The following UBQLN1 variants were observed in gnomAD, a reference collection of about 807,000 sequenced individuals.
UBQLN1 encodes ubiquilin-1.
A neutral mutation model predicts 65.4 loss-of-function variants in UBQLN1; 13 were observed. That is an observed-to-expected ratio of 0.20 (90% CI 0.13 to 0.32). The LOEUF (loss-of-function observed/expected upper bound fraction) is 0.32, where lower values mean the gene tolerates loss of function less well. UBQLN1 is among the 10% of genes least tolerant of loss of function. The probability of loss-of-function intolerance (pLI) is 1.00; values close to 1 mark genes in which losing one functional copy is unlikely to be tolerated. For synonymous variants in UBQLN1, 267 were observed against 247.8 expected, an observed-to-expected ratio of 1.08 and a Z score of -0.73; for missense variants, 561 against 724.0, an observed-to-expected ratio of 0.77 and a Z score of 2.58.
intron 7 of UBQLN1, chr9:83,668,817 T>C: frequency 4.4e-6 from 1 of 229,858 alleles, no homozygotes; most frequent in Non-Finnish European, 7.3e-6. Context: ...TAAATAAAAG[T>C]ATTTCAAATG....
At chr9:83,692,150 T>C (rs1383752682) in intron 1 of UBQLN1, among the ~76,000 whole-genome samples, 2 of 152,236 alleles carry the variant, frequency 1.3e-5, no homozygotes, top group Non-Finnish European at 2.9e-5. Context: ...TTAAGTTTAA[T>C]TGTACCGTGC....
intron 3 of UBQLN1, among the ~76,000 whole-genome samples, chr9:83,680,796 G>C (rs1335146371): frequency 2.0e-5 from 3 of 152,164 alleles, no homozygotes; most frequent in Non-Finnish European, 4.4e-5. Context: ...GGAGGTCAGG[G>C]GAACCCCCAA....
chr9:83,695,590 T>C (rs1230501555), intron 1 of UBQLN1, among the ~76,000 whole-genome samples: 2 of 149,640 alleles, frequency 1.3e-5, no homozygotes, highest in African/African-American at 2.5e-5. Flanking sequence ...GTTATATCCT[T>C]TAAGAAAACT....
intron 3 of UBQLN1, among the ~76,000 whole-genome samples, chr9:83,682,289 AAT>A (rs71365321): frequency 8.0e-5 from 12 of 149,942 alleles, no homozygotes; most frequent in East Asian, 1.9e-4. Flanking sequence ...TGTCTCAAAA[AAT>A]ATATATATAT....
intron 1 of UBQLN1, among the ~76,000 whole-genome samples, chr9:83,693,674 A>G (rs1832163923): frequency 6.6e-6 from 1 of 152,210 alleles, no homozygotes; most frequent in Non-Finnish European, 1.5e-5. Context: ...TATGGTGCCA[A>G]TCTCAGCTGC....
At chr9:83,667,333 T>C (rs1207033336) in intron 7 of UBQLN1, 1 of 197,390 alleles carries the variant, frequency 5.1e-6, no homozygotes, top group Admixed American at 6.5e-5. Context: ...TAACAAGGAT[T>C]TACTGATAGC....
At chr9:83,699,239 C>T (rs1311440030) in intron 1 of UBQLN1, among the ~76,000 whole-genome samples, 2 of 152,206 alleles carry the variant, frequency 1.3e-5, no homozygotes, top group African/African-American at 2.4e-5. Context: ...AAATGGTTAA[C>T]ATGATAAATT....
chr9:83,683,359 C>T (rs1314329446), intron 2 of UBQLN1, among the ~76,000 whole-genome samples: 6 of 139,634 alleles, frequency 4.3e-5, no homozygotes, highest in East Asian at 2.3e-4. Context: ...TTGCAGTGAG[C>T]GAGATCGCGC....
chr9:83,706,485 T>C (rs1832409191), intron 1 of UBQLN1, among the ~76,000 whole-genome samples: 1 of 152,222 alleles, frequency 6.6e-6, no homozygotes, highest in Non-Finnish European at 1.5e-5. Flanking sequence ...TTGGAACTCG[T>C]TAAACCAATA....
chr9:83,666,532 T>G, intron 7 of UBQLN1, 99 bp from the exon 8 acceptor site: 3 of 1,113,842 alleles, frequency 2.7e-6, no homozygotes, highest in Non-Finnish European at 4.0e-6. Context: ...CAGCTGGCAC[T>G]TAAAAGGGAG....
chr9:83,670,444 G>A (rs1450607498), intron 6 of UBQLN1, among the ~76,000 whole-genome samples: 1 of 151,608 alleles, frequency 6.6e-6, no homozygotes, highest in African/African-American at 2.4e-5. Flanking sequence ...CCAGACTGCT[G>A]TGCAATAAAG....
intron 3 of UBQLN1, among the ~76,000 whole-genome samples, chr9:83,682,486 AAAAC>A (rs35957755): frequency 0.35 from 52,138 of 150,882 alleles, 9,369 homozygotes; most frequent in Middle Eastern, 0.5. Flanking sequence ...CTCTCTTAAA[AAAAC>A]AAACAAACAA....
intron 1 of UBQLN1, among the ~76,000 whole-genome samples, chr9:83,690,772 C>G (rs1832114035): frequency 1.3e-5 from 2 of 150,952 alleles, no homozygotes; most frequent in Admixed American, 1.3e-4. Context: ...ACAGAAACAT[C>G]AAGAAGTCGA....
intron 1 of UBQLN1, among the ~76,000 whole-genome samples, chr9:83,690,336 T>G (rs1832106241): frequency 6.6e-6 from 1 of 152,184 alleles, no homozygotes; most frequent in Admixed American, 6.5e-5. Flanking sequence ...TGAATATAAA[T>G]TGTATGATTT....
chr9:83,700,950 T>C (rs1587664692), intron 1 of UBQLN1, among the ~76,000 whole-genome samples: 1 of 152,256 alleles, frequency 6.6e-6, no homozygotes, highest in East Asian at 1.9e-4. Context: ...GAATGGCTGG[T>C]GGGAGAGTTA....
At chr9:83,670,288 T>A (rs1194323857) in intron 6 of UBQLN1, among the ~76,000 whole-genome samples, 1 of 152,152 alleles carries the variant, frequency 6.6e-6, no homozygotes, top group East Asian at 1.9e-4. Flanking sequence ...GCTTAAGACA[T>A]CTGACTCTTC....
In UBQLN1 at chr9:83,674,186, A is replaced by T. The variant is rs77949543; in HGVS notation, c.1105+3541T>A. On this transcript the variant is annotated intron_variant, in intron 6 of 10. Coordinates refer to ENST00000376395, the MANE Select transcript of UBQLN1 (RefSeq NM_013438.5). The stretch of plus-strand genomic sequence containing the variant: ...TGCAGCACAAAATCACTGCAGCATT[A>T]AAAAAAAAAAAATAACCAGTATATA... Among the ~76,000 whole-genome samples, 9 of 79,982 alleles carry T rather than the reference A, an allele frequency of 1.1e-4. No individual in the cohort carries two copies. In the Admixed American group the frequency reaches 1.5e-3, roughly 13 times the overall value. 52.5% of individuals were successfully genotyped at this position (79,982 alleles called of 152,430 possible). A position where few individuals can be genotyped will look rare whatever the true frequency, so the allele number is the denominator to read the frequency against.
chr9:83,668,509 G>A (rs1831678710), intron 7 of UBQLN1: 1 of 985,264 alleles, frequency 1.0e-6, no homozygotes, highest in Admixed American at 6.2e-5. Flanking sequence ...AGGGTTATCG[G>A]ACGCAATTAT....
intron 6 of UBQLN1, among the ~76,000 whole-genome samples, chr9:83,673,580 A>C (rs2811932): frequency 0.57 from 61,920 of 107,962 alleles, 16,236 homozygotes; most frequent in East Asian, 0.89. Flanking sequence ...AAAAAAAAAA[A>C]CTGCGCTTAC....
Sources: gnomAD v4.1 joint callset for allele counts (sites outside exome capture counted in the v4.1 genomes callset) on GRCh38, gnomAD v4.1.1 for gene constraint, MANE v1.5 for transcripts, NCBI Gene and HGNC (gene_info 2026-07-23, HGNC 2026-07-21) for gene names.